Variants in ERC1 observed in about 807,000 individuals in gnomAD.
ERC1 encodes ELKS/RAB6-interacting/CAST family member 1.
Under a neutral mutation model 132.0 loss-of-function variants are expected in ERC1, and 56 were observed. The ratio of observed to expected loss-of-function variants is 0.42; its 90% confidence interval spans 0.34 to 0.53. The LOEUF (loss-of-function observed/expected upper bound fraction) is 0.53. ERC1 is among the 20% of genes least tolerant of loss of function. The pLI is 0.03. For missense variants in ERC1, 1,202 were observed against 1,349.9 expected (o/e 0.89, Z 1.72); for synonymous variants, 478 against 476.1 (o/e 1.00, Z -0.05).
intron 8 of ERC1, among the ~76,000 whole-genome samples, chr12:1,177,656 A>G (rs1017990368): frequency 5.9e-5 from 9 of 152,222 alleles, no homozygotes; most frequent in Non-Finnish European, 1.0e-4. Context: ...ATCATCAGAG[A>G]TCACTGATCA....
At chr12:1,003,222 T>C (rs1481401200) in intron 1 of ERC1, among the ~76,000 whole-genome samples, 1 of 152,188 alleles carries the variant, frequency 6.6e-6, no homozygotes, top group African/African-American at 2.4e-5. Flanking sequence ...GAGGAATCTT[T>C]GACTAATTCA....
chr12:1,006,364 G>A (rs934171699), intron 1 of ERC1, among the ~76,000 whole-genome samples: 1 of 152,106 alleles, frequency 6.6e-6, no homozygotes, highest in Non-Finnish European at 1.5e-5. Context: ...CTTCCAAGTA[G>A]CTGGGACTGT....
chr12:1,241,825 A>G (rs1182846623), intron 13 of ERC1, among the ~76,000 whole-genome samples: 3 of 123,132 alleles, frequency 2.4e-5, no homozygotes, highest in Admixed American at 8.0e-5. Flanking sequence ...CTTTAATCCA[A>G]TTTTTTGCAT....
At chr12:1,279,713 G>A (rs1594748308) in intron 14 of ERC1, among the ~76,000 whole-genome samples, 1 of 150,204 alleles carries the variant, frequency 6.7e-6, no homozygotes, top group Non-Finnish European at 1.5e-5. Context: ...TTTTGAGACG[G>A]AGTCTCGCTC....
At chr12:1,098,727 G>A (rs1470568954) in intron 3 of ERC1, among the ~76,000 whole-genome samples, 1 of 152,214 alleles carries the variant, frequency 6.6e-6, no homozygotes, top group Admixed American at 6.5e-5. Context: ...TGCCAAATGG[G>A]CAGTTGGATG....
At position 1,388,365 on chromosome 12, in the gene ERC1, A is replaced by AAAG. The variant is rs1300043166; in HGVS notation, c.2925+16390_2925+16391insGAA. Among the ~76,000 whole-genome samples the AAAG allele has an allele frequency of 1.4e-3, 212 of 151,374 alleles. 1 individual carries two copies. Among genetic ancestry groups the AAAG allele is most frequent in the Admixed American group, 3.4e-3 (52 of 15,224 alleles). ...TGTCTCAAAAAAAAAAAAAAAAAAA[A>AAAG]AAATTAGCCTCATGAATGAGCTAGA... On this transcript the variant is annotated intron_variant, in intron 16 of 18. Transcript: ENST00000360905.
At chr12:1,316,310 CTT>C (rs1380345218) in intron 15 of ERC1, among the ~76,000 whole-genome samples, 1 of 152,144 alleles carries the variant, frequency 6.6e-6, no homozygotes, top group Non-Finnish European at 1.5e-5. Context: ...CAGGTTGAGA[CTT>C]TCTTTTCTCT....
chr12:1,395,149 G>T (rs2090422308), intron 16 of ERC1, among the ~76,000 whole-genome samples: 1 of 152,150 alleles, frequency 6.6e-6, no homozygotes, highest in South Asian at 2.1e-4. Context: ...CTCCAAAGTG[G>T]GGCAGTGACC....
intron 18 of ERC1, among the ~76,000 whole-genome samples, chr12:1,481,773 G>T (rs1282611881): frequency 2.6e-5 from 4 of 151,246 alleles, no homozygotes; most frequent in African/African-American, 4.9e-5. Flanking sequence ...TCTGCCTCTG[G>T]TTTTTTTTTC....
At chr12:1,384,723 A>G (rs2089125359) in intron 16 of ERC1, among the ~76,000 whole-genome samples, 2 of 152,182 alleles carry the variant, frequency 1.3e-5, no homozygotes, top group African/African-American at 2.4e-5. Flanking sequence ...ATTTAAATAA[A>G]TAAATTGTTG....
In ERC1 at chr12:991,333, C is replaced by CGCGGCG. The variant is rs1162718981; in HGVS notation, c.-157+18_-157+23dup. The CGCGGCG allele has an allele frequency of 1.3e-5, 2 of 156,116 alleles. No homozygotes were observed. The highest frequency in any genetic ancestry group is 2.8e-5 in the Non-Finnish European group (2 of 71,392). The allele number at this position is 156,116 out of a possible 1,614,324, so 9.7% of individuals were successfully genotyped here. On this transcript the variant is annotated intron_variant, in intron 1 of 18. Coordinates refer to ENST00000360905, the MANE Select transcript of ERC1 (RefSeq NM_178040.4). ...GCAGCCCTGAGGACGGTGAGACGGC[C>CGCGGCG]GCGGCGGCGGCGACAGCGCGGAAGT...
intron 12 of ERC1, among the ~76,000 whole-genome samples, chr12:1,195,625 G>A (rs1038422626): frequency 3.3e-5 from 5 of 152,192 alleles, no homozygotes; most frequent in Non-Finnish European, 5.9e-5. Context: ...TATCTTGTCG[G>A]GATGTGATAC....
intron 16 of ERC1, among the ~76,000 whole-genome samples, chr12:1,383,432 C>T (rs1386965294): frequency 7.3e-6 from 1 of 137,288 alleles, no homozygotes; most frequent in East Asian, 2.0e-4. Context: ...TTCCTGCTGC[C>T]TCTTTTGGTC....
At position 1,316,152 on chromosome 12, in the gene ERC1, G is replaced by T. The variant is rs949570321; in HGVS notation, c.2780+26140G>T. On this transcript the variant is annotated intron_variant, in intron 15 of 18. Coordinates refer to ENST00000360905, the MANE Select transcript of ERC1 (RefSeq NM_178040.4). ...TCCACCCGCCTCGGCCTCCCAAAGT[G>T]CTGGGATTACTGGCTTGAGCCACCG... Among the ~76,000 whole-genome samples, 4 of 152,216 alleles carry T rather than the reference G, an allele frequency of 2.6e-5. No individual in the cohort carries two copies. In the South Asian group the frequency reaches 8.3e-4, roughly 31 times the overall value.
At chr12:1,400,245 A>G (rs542950822) in intron 16 of ERC1, among the ~76,000 whole-genome samples, 1 of 152,306 alleles carries the variant, frequency 6.6e-6, no homozygotes, top group Admixed American at 6.5e-5. Flanking sequence ...GATTGAAAAG[A>G]TTCAAATCCC....
At chr12:1,101,431 TG>T (rs1441312943) in intron 3 of ERC1, among the ~76,000 whole-genome samples, 4 of 152,268 alleles carry the variant, frequency 2.6e-5, no homozygotes, top group African/African-American at 9.6e-5. Context: ...GAGCCTCTGC[TG>T]TTGGTGTGTC....
intron 2 of ERC1, among the ~76,000 whole-genome samples, chr12:1,056,375 TGAG>T (rs113877317): frequency 0.025 from 3,764 of 151,702 alleles, 145 homozygotes; most frequent in African/African-American, 0.087. Context: ...ACACAAAGAG[TGAG>T]GTTCAGAGTG....
chr12:1,227,400 G>C (rs1261406362), intron 12 of ERC1, among the ~76,000 whole-genome samples: 1 of 152,100 alleles, frequency 6.6e-6, no homozygotes, highest in Non-Finnish European at 1.5e-5. Flanking sequence ...TTCACATTTA[G>C]CTATCCTTTG....
chr12:1,326,970 A>T (rs2082490292), intron 15 of ERC1, among the ~76,000 whole-genome samples: 1 of 152,092 alleles, frequency 6.6e-6, no homozygotes, highest in Non-Finnish European at 1.5e-5. Context: ...GAGGTATTTC[A>T]GTTTGTGACA....
Sources: allele counts gnomAD v4.1 joint callset (sites outside exome capture counted in the v4.1 genomes callset), GRCh38; gene constraint gnomAD v4.1.1; transcripts MANE v1.5; gene names NCBI Gene and HGNC (gene_info 2026-07-23, HGNC 2026-07-21).